Variants in LINGO2 observed in about 807,000 individuals in gnomAD.
The protein encoded by LINGO2 is leucine-rich repeat and immunoglobulin-like domain-containing nogo receptor-interacting protein 2.
A neutral mutation model predicts 30.6 loss-of-function variants in LINGO2; 14 were observed. The ratio of observed to expected loss-of-function variants is 0.46; its 90% CI spans 0.30 to 0.72. The LOEUF is 0.72. Ranked by LOEUF, LINGO2 falls within the 30% of genes least tolerant of loss-of-function variation. The pLI, the probability that LINGO2 is intolerant of heterozygous loss-of-function variation, is 0.07. For missense variants in LINGO2, 729 were observed against 751.7 expected, an observed-to-expected ratio of 0.97 and a Z score of 0.35; for synonymous variants, 317 against 288.5, an observed-to-expected ratio of 1.10 and a Z score of -1.00.
At chr9:28,163,644 T>C (rs1828347699) in intron 4 of LINGO2, among the ~76,000 whole-genome samples, 1 of 152,000 alleles carries the variant, frequency 6.6e-6, no homozygotes, top group Admixed American at 6.6e-5. Context: ...CAAAAATAAA[T>C]AAAAATAAGA....
At chr9:28,178,290 G>A (rs896821670) in intron 4 of LINGO2, among the ~76,000 whole-genome samples, 1 of 152,120 alleles carries the variant, frequency 6.6e-6, no homozygotes, top group Non-Finnish European at 1.5e-5. Context: ...ATATTAAAAT[G>A]TCTGGGCTCT....
Position 28,328,039 on chromosome 9 carries a change from A to C in LINGO2, c.-245-32673T>G, listed in dbSNP as rs565139421. The stretch of plus-strand genomic sequence containing the variant: ...TTTGGACCCTGTGAATGTGTGCATC[A>C]GAAAGCTCTTAGCAGGAGCGAGAAC... On this transcript the variant is annotated intron_variant, in intron 3 of 5. Coordinates refer to ENST00000379992, the Ensembl canonical transcript of LINGO2. Among the ~76,000 whole-genome samples the C allele has an allele frequency of 4.2e-3, 638 of 152,296 alleles. 4 individuals carry two copies. Among genetic ancestry groups the C allele is most frequent in the African/African-American group, 0.015 (609 of 41,566 alleles).
chr9:28,294,248 C>T (rs147889344), intron 4 of LINGO2, among the ~76,000 whole-genome samples: 146 of 152,120 alleles, frequency 9.6e-4, no homozygotes, highest in East Asian at 2.9e-3. Context: ...GACTGAGTTC[C>T]GTTTACTTTA....
At chr9:28,408,779 A>C (rs925711730) in intron 2 of LINGO2, among the ~76,000 whole-genome samples, 1 of 76,756 alleles carries the variant, frequency 1.3e-5, no homozygotes, top group Non-Finnish European at 3.6e-5. Flanking sequence ...AAAAACAAAA[A>C]AAAAAAAACA....
the LINGO2 span, among the ~76,000 whole-genome samples, chr9:28,899,444 G>A: frequency 8.5e-5 from 13 of 152,140 alleles, no homozygotes; most frequent in Non-Finnish European, 1.5e-4. Flanking sequence ...GGGTTAGGCT[G>A]GCCCCAGTGG....
At chr9:29,127,662 T>A in the LINGO2 span, among the ~76,000 whole-genome samples, 44 of 152,026 alleles carry the variant, frequency 2.9e-4, no homozygotes, top group African/African-American at 1.1e-3. Flanking sequence ...TCCTAGTAGA[T>A]CCTTAGTAAT....
chr9:27,970,376 C>T (rs1587572976), intron 5 of LINGO2, among the ~76,000 whole-genome samples: 1 of 152,088 alleles, frequency 6.6e-6, no homozygotes, highest in Admixed American at 6.6e-5. Context: ...CAACTGAGAA[C>T]TTTTAATGTA....
the LINGO2 span, among the ~76,000 whole-genome samples, chr9:29,011,914 A>T: frequency 6.6e-6 from 1 of 152,344 alleles, no homozygotes; most frequent in Admixed American, 6.5e-5. Context: ...GCAATGGCAA[A>T]ATTTGTCAAC....
At chr9:28,875,130 G>C in the LINGO2 span, among the ~76,000 whole-genome samples, 1 of 151,940 alleles carries the variant, frequency 6.6e-6, no homozygotes, top group Non-Finnish European at 1.5e-5. Flanking sequence ...AATAGATTCT[G>C]GTTCTCCTCA....
chr9:27,988,094 C>A (rs1332825015), intron 5 of LINGO2, among the ~76,000 whole-genome samples: 3 of 152,010 alleles, frequency 2.0e-5, no homozygotes, highest in Admixed American at 2.0e-4. Flanking sequence ...TGATCGAGAA[C>A]ATGTGGTGTT....
At chr9:28,477,729 G>A (rs1564226442) in intron 1 of LINGO2, among the ~76,000 whole-genome samples, 1 of 152,044 alleles carries the variant, frequency 6.6e-6, no homozygotes, top group African/African-American at 2.4e-5. Context: ...CTGATCCCAC[G>A]CTTGACACCT....
chr9:28,461,677 T>A (rs1825087582), intron 2 of LINGO2, among the ~76,000 whole-genome samples: 1 of 152,138 alleles, frequency 6.6e-6, no homozygotes, highest in African/African-American at 2.4e-5. Flanking sequence ...ATTGTTGTTT[T>A]TATTTGCAGG....
At chr9:29,118,790 A>C in the LINGO2 span, among the ~76,000 whole-genome samples, 9 of 152,102 alleles carry the variant, frequency 5.9e-5, no homozygotes, top group Non-Finnish European at 1.2e-4. Flanking sequence ...CCAACTGTGG[A>C]TCCTGAAGCA....
At chr9:28,689,646 G>C in the LINGO2 span, among the ~76,000 whole-genome samples, 1 of 150,348 alleles carries the variant, frequency 6.7e-6, no homozygotes, top group African/African-American at 2.5e-5. Context: ...AAGACAGTGT[G>C]GCAATTCTTC....
At chr9:28,043,453 G>A (rs1563938275) in intron 4 of LINGO2, among the ~76,000 whole-genome samples, 1 of 152,202 alleles carries the variant, frequency 6.6e-6, no homozygotes, top group African/African-American at 2.4e-5. Context: ...CTCTGCAGTG[G>A]TTGAAGGTGA....
the LINGO2 span, among the ~76,000 whole-genome samples, chr9:28,993,119 C>A: frequency 4.5e-4 from 69 of 152,078 alleles, no homozygotes; most frequent in African/African-American, 1.6e-3. Flanking sequence ...AGACCGCTAG[C>A]AAGACTAATA....
intron 4 of LINGO2, among the ~76,000 whole-genome samples, chr9:28,058,129 G>T (rs760195905): frequency 6.6e-6 from 1 of 151,986 alleles, no homozygotes; most frequent in Non-Finnish European, 1.5e-5. Context: ...ACTTACCCTT[G>T]CCAATAAATA....
At chr9:28,794,400 A>G in the LINGO2 span, among the ~76,000 whole-genome samples, 1 of 152,206 alleles carries the variant, frequency 6.6e-6, no homozygotes, top group East Asian at 1.9e-4. Flanking sequence ...CCTTGGGGGA[A>G]ACATTGAGTT....
the LINGO2 span, among the ~76,000 whole-genome samples, chr9:28,714,313 A>G: frequency 1.3e-5 from 2 of 151,776 alleles, no homozygotes; most frequent in Non-Finnish European, 1.5e-5. Flanking sequence ...TTTCATGCCA[A>G]TGGTAGCAAA....
Sources: allele counts gnomAD v4.1 joint callset (sites outside exome capture counted in the v4.1 genomes callset), GRCh38; gene constraint gnomAD v4.1.1; transcripts MANE v1.5; gene names NCBI Gene and HGNC (gene_info 2026-07-23, HGNC 2026-07-21).